OPCML: variants seen among roughly 807,000 people sequenced by gnomAD.
OPCML encodes the protein opioid binding protein/cell adhesion molecule like.
In OPCML, 13 loss-of-function variants were observed where a neutral mutation model predicts 37.8. The ratio of observed to expected loss-of-function variants is 0.34; its 90% CI spans 0.22 to 0.55. OPCML has a LOEUF of 0.55. Ranked by LOEUF, OPCML falls within the 20% of genes least tolerant of loss-of-function variation. The pLI is 0.91. For missense variants in OPCML, 341 were observed against 435.6 expected, an observed-to-expected ratio of 0.78 and a Z score of 1.93; for synonymous variants, 176 against 168.8, an observed-to-expected ratio of 1.04 and a Z score of -0.33.
intron 1 of OPCML, among the ~76,000 whole-genome samples, chr11:133,489,814 A>ATG (rs1046923653): frequency 2.4e-4 from 36 of 149,428 alleles, no homozygotes; most frequent in African/African-American, 6.5e-4. Flanking sequence ...AATGAGGAAA[A>ATG]TGTGTGTGTG....
intron 2 of OPCML, among the ~76,000 whole-genome samples, chr11:132,819,997 C>T (rs1362197821): frequency 6.6e-6 from 1 of 152,112 alleles, no homozygotes; most frequent in African/African-American, 2.4e-5. Context: ...CAGTGCCTTC[C>T]CTGTCTGCAT....
chr11:132,853,917 G>A (rs748908991), intron 2 of OPCML, among the ~76,000 whole-genome samples: 1 of 152,152 alleles, frequency 6.6e-6, no homozygotes, highest in African/African-American at 2.4e-5. Flanking sequence ...GTTAAATTGT[G>A]TTAATTGTGT....
intron 1 of OPCML, among the ~76,000 whole-genome samples, chr11:133,165,178 C>T (rs1950193036): frequency 6.6e-6 from 1 of 152,250 alleles, no homozygotes; most frequent in South Asian, 2.1e-4. Context: ...ATGGCCTCAG[C>T]TCTCTGCTGG....
chr11:132,718,072 A>G (rs901444835), intron 2 of OPCML, among the ~76,000 whole-genome samples: 1 of 152,302 alleles, frequency 6.6e-6, no homozygotes, highest in African/African-American at 2.4e-5. Context: ...CTGGGGAACC[A>G]AAGAAATGAG....
intron 2 of OPCML, among the ~76,000 whole-genome samples, chr11:132,726,024 T>C (rs1316068796): frequency 6.6e-6 from 1 of 152,150 alleles, no homozygotes; most frequent in Admixed American, 6.5e-5. Flanking sequence ...TCAACAAGTC[T>C]CTAGGAAGTT....
chr11:132,588,298 C>G (rs775807342), intron 3 of OPCML, among the ~76,000 whole-genome samples: 6 of 152,126 alleles, frequency 3.9e-5, no homozygotes, highest in Non-Finnish European at 8.8e-5. Context: ...ATCATAGAAA[C>G]TAGGCTTCAG....
At position 132,978,277 on chromosome 11, in the gene OPCML, C is replaced by A. The variant is rs143486712; in HGVS notation, c.62-35267G>T. ...GCCTTTAAAATTATTTGACTTTTAA[C>A]CTCTAAGAAGTGAGAAGTCACATGG... On this transcript the variant is annotated intron_variant, in intron 1 of 7. Coordinates refer to ENST00000524381, the MANE Select transcript of OPCML (RefSeq NM_001012393.5). 1.0e-3 allele frequency among the ~76,000 whole-genome samples: 159 copies of A among 152,246 alleles called. 1 individual carries two copies. Among genetic ancestry groups the A allele is most frequent in the African/African-American group, 3.6e-3 (151 of 41,544 alleles).
chr11:133,006,200 G>A (rs1219611491), intron 1 of OPCML: 1 of 824,856 alleles, frequency 1.2e-6, no homozygotes, highest in African/African-American at 1.9e-5. Flanking sequence ...CTGTAGTAGG[G>A]AGGAGCCTGG....
intron 1 of OPCML, among the ~76,000 whole-genome samples, chr11:133,092,994 C>A (rs958705363): frequency 6.6e-6 from 1 of 152,094 alleles, no homozygotes; most frequent in African/African-American, 2.4e-5. Context: ...CACTATTTTC[C>A]TAGGCACTTT....
chr11:133,271,481 G>C (rs934364791), intron 1 of OPCML, among the ~76,000 whole-genome samples: 8 of 152,174 alleles, frequency 5.3e-5, no homozygotes, highest in African/African-American at 1.9e-4. Context: ...TAGGAAGAGA[G>C]GATATCATCA....
At chr11:133,374,074 T>A (rs1291494914) in intron 1 of OPCML, among the ~76,000 whole-genome samples, 1 of 152,196 alleles carries the variant, frequency 6.6e-6, no homozygotes, top group Non-Finnish European at 1.5e-5. Context: ...AGCAACTTTA[T>A]CTGTAATAGC....
chr11:132,688,168 GT>G (rs113318678), intron 2 of OPCML, among the ~76,000 whole-genome samples: 5,356 of 144,728 alleles, frequency 0.037, 247 homozygotes, highest in African/African-American at 0.11. Flanking sequence ...AGGAATCATG[GT>G]TTTTTTTTTT....
At chr11:132,782,013 C>A (rs1331730779) in intron 2 of OPCML, among the ~76,000 whole-genome samples, 1 of 136,632 alleles carries the variant, frequency 7.3e-6, no homozygotes, top group Non-Finnish European at 1.5e-5. Context: ...ATAATGAAGT[C>A]ATTTGATTCA....
intron 1 of OPCML, among the ~76,000 whole-genome samples, chr11:133,415,404 C>T (rs367829674): frequency 5.4e-5 from 8 of 146,840 alleles, no homozygotes; most frequent in African/African-American, 1.1e-4. Flanking sequence ...AGTGAGACTT[C>T]GTCTAAAAAA....
chr11:133,170,243 G>A lies in OPCML; in HGVS notation c.62-227233C>T, dbSNP rs143207404. Among the ~76,000 whole-genome samples, 448 of 152,334 alleles carry A rather than the reference G, an allele frequency of 2.9e-3. 2 individuals are homozygous for A. Among genetic ancestry groups the A allele is most frequent in the African/African-American group, 9.8e-3 (408 of 41,576 alleles). ...TGTAATCCCAGCACTTTGTGAGGCC[G>A]AGGCGGGCAGATCACGAGGTCAGGA... On this transcript the variant is annotated intron_variant, in intron 1 of 7. Coordinates refer to ENST00000524381, the MANE Select transcript of OPCML (RefSeq NM_001012393.5).
At chr11:132,673,641 G>C (rs923047873) in intron 2 of OPCML, among the ~76,000 whole-genome samples, 1 of 152,122 alleles carries the variant, frequency 6.6e-6, no homozygotes, top group South Asian at 2.1e-4. Context: ...AGTTTGAGGA[G>C]AAAGCACTTT....
chr11:133,218,248 C>A (rs1209769796), intron 1 of OPCML, among the ~76,000 whole-genome samples: 1 of 152,034 alleles, frequency 6.6e-6, no homozygotes, highest in Non-Finnish European at 1.5e-5. Context: ...AAAAACCAAT[C>A]TAGGAGCACT....
chr11:133,055,990 A>G (rs1009896790), intron 1 of OPCML, among the ~76,000 whole-genome samples: 2 of 152,050 alleles, frequency 1.3e-5, no homozygotes, highest in African/African-American at 4.8e-5. Flanking sequence ...TGCTGCCTCC[A>G]TGATAATTCC....
At chr11:133,434,821 T>C (rs879709583) in intron 1 of OPCML, among the ~76,000 whole-genome samples, 20 of 139,268 alleles carry the variant, frequency 1.4e-4, no homozygotes, top group South Asian at 4.3e-4. Context: ...TATATATATA[T>C]ATACACACAC....
Sources: gnomAD v4.1 joint callset for allele counts (sites outside exome capture counted in the v4.1 genomes callset) on GRCh38, gnomAD v4.1.1 for gene constraint, MANE v1.5 for transcripts, NCBI Gene and HGNC (gene_info 2026-07-23, HGNC 2026-07-21) for gene names.